MARK1: variants seen among roughly 807,000 people sequenced by gnomAD.
MARK1 encodes the protein serine/threonine-protein kinase MARK1.
A neutral mutation model predicts 96.3 loss-of-function variants in MARK1; 40 were observed. The ratio of observed to expected loss-of-function variants is 0.42; its 90% CI spans 0.32 to 0.54. The LOEUF (loss-of-function observed/expected upper bound fraction) is 0.54. MARK1 is among the 20% of genes least tolerant of loss of function. The pLI is 0.16. For missense variants in MARK1, 719 were observed against 984.6 expected, an observed-to-expected ratio of 0.73 and a Z score of 3.61; for synonymous variants, 317 against 341.2, an observed-to-expected ratio of 0.93 and a Z score of 0.78.
rs187819066 is a variant in MARK1 at position 220,618,971 on chromosome 1, T to G, written c.909+216T>G. Among the ~76,000 whole-genome samples the G allele has an allele frequency of 1.3e-5, 2 of 152,294 alleles. No homozygotes were observed. Among genetic ancestry groups the G allele is most frequent in the East Asian group, 3.9e-4 (2 of 5,184 alleles). ...CTATTATTTCCTCTTTGTTCTGCAG[T>G]GCCGTATTAAATAAAAACAACACAA... On this transcript the variant is annotated intron_variant, in intron 9 of 17. Coordinates refer to ENST00000366917, the MANE Select transcript of MARK1 (RefSeq NM_018650.5). This position sits in a 1 kb window ranked among gnomAD's most constrained non-coding sequence, Gnocchi z 4.6.
At chr1:220,593,941 G>A (rs1297338814) in intron 3 of MARK1, among the ~76,000 whole-genome samples, 3 of 152,080 alleles carry the variant, frequency 2.0e-5, no homozygotes, top group Admixed American at 6.5e-5. Context: ...CTGAGGGCAC[G>A]CCACTCAGAC....
intron 1 of MARK1, among the ~76,000 whole-genome samples, chr1:220,535,347 A>G (rs898632059): frequency 3.3e-5 from 5 of 152,066 alleles, no homozygotes; most frequent in African/African-American, 1.2e-4. Context: ...CCGTCTTTTT[A>G]TGTACCTGCT....
intron 5 of MARK1, among the ~76,000 whole-genome samples, chr1:220,601,783 G>A (rs185159044): frequency 1.4e-4 from 21 of 152,214 alleles, no homozygotes; most frequent in Middle Eastern, 6.8e-3. Context: ...GCTAATGAAG[G>A]GGAGTAATGG....
At chr1:220,616,692 AG>A (rs1010445006) in intron 7 of MARK1, among the ~76,000 whole-genome samples, 1 of 148,008 alleles carries the variant, frequency 6.8e-6, no homozygotes, top group African/African-American at 2.5e-5. Context: ...GTTGTCAAAA[AG>A]TCAAGTCTAA....
At chr1:220,650,372 C>G (rs1668805617) in intron 13 of MARK1, among the ~76,000 whole-genome samples, 1 of 152,174 alleles carries the variant, frequency 6.6e-6, no homozygotes, top group African/African-American at 2.4e-5. Flanking sequence ...CCCAGCTCTC[C>G]TATTGCTTCC....
At chr1:220,562,689 T>C (rs1044041710) in intron 1 of MARK1, among the ~76,000 whole-genome samples, 1 of 151,992 alleles carries the variant, frequency 6.6e-6, no homozygotes, top group African/African-American at 2.4e-5. Context: ...CAAAAAAAAA[T>C]TGACAGATGC....
At chr1:220,558,929 A>G (rs1662479650) in intron 1 of MARK1, among the ~76,000 whole-genome samples, 1 of 152,174 alleles carries the variant, frequency 6.6e-6, no homozygotes, top group Non-Finnish European at 1.5e-5. Context: ...TTATTACCCT[A>G]CATACACATA....
chr1:220,560,097 G>A (rs759989247), intron 1 of MARK1, among the ~76,000 whole-genome samples: 43 of 152,192 alleles, frequency 2.8e-4, no homozygotes, highest in African/African-American at 8.2e-4. Context: ...AGAGCCAAGC[G>A]AAAGGGGAAA....
intron 13 of MARK1, among the ~76,000 whole-genome samples, chr1:220,636,504 T>C (rs1259879025): frequency 6.6e-6 from 1 of 151,902 alleles, no homozygotes; most frequent in East Asian, 1.9e-4. Context: ...AACTAAGATA[T>C]ACGAAATGTA....
In MARK1 at chr1:220,653,167, G is replaced by C; in HGVS notation, c.1803G>C (p.Arg601=). The C allele has an allele frequency of 6.2e-7, 1 of 1,614,168 alleles. No homozygotes were observed. Among genetic ancestry groups the C allele is most frequent in the Non-Finnish European group, 8.5e-7 (1 of 1,180,028 alleles). ...AHSISTATPD[R]TRFPRGSSSR... is the part of the protein sequence containing the mutation. Reference sequence around the variant, plus strand: ...GTATTAGTACTGCGACTCCAGACCGGACCCGTTTTCCCCGAGGGAGCTCAA... The same window carrying C: ...GTATTAGTACTGCGACTCCAGACCGCACCCGTTTTCCCCGAGGGAGCTCAA... The change falls in exon 16 of 18, where the codon CGG becomes CGC. Residue 601 remains arginine (R), a synonymous_variant. Coordinates refer to ENST00000366917, the MANE Select transcript of MARK1 (RefSeq NM_018650.5).
chr1:220,562,925 G>A (rs907739028), intron 1 of MARK1, among the ~76,000 whole-genome samples: 2 of 151,998 alleles, frequency 1.3e-5, no homozygotes, highest in Non-Finnish European at 2.9e-5. Context: ...ATCCATAGTT[G>A]GTTGAATCCA....
intron 13 of MARK1, among the ~76,000 whole-genome samples, chr1:220,642,247 C>A (rs1668313716): frequency 6.6e-6 from 1 of 152,196 alleles, no homozygotes; most frequent in Admixed American, 6.5e-5. Context: ...AAGTTCCCAG[C>A]GTTGGGGGCA....
rs202193154 is a variant in MARK1, at chr1:220,663,832, C to CA, written c.*1675dup. The CA allele has an allele frequency of 0.017, 2,563 of 150,142 alleles. 35 individuals carry two copies. The highest frequency in any genetic ancestry group is 0.045 in the Middle Eastern group (13 of 292). The allele number at this position is 150,142 out of a possible 1,614,324, so 9.3% of individuals were successfully genotyped here. A position where few individuals can be genotyped will look rare whatever the true frequency, so the allele number is the denominator to read the frequency against. On this transcript the variant is annotated 3_prime_UTR_variant, in exon 18 of 18. Transcript: ENST00000366917. The stretch of plus-strand genomic sequence containing the variant: ...GCCCCTTTTTAACCTAGTGTTCATT[C>CA]AAAAAAAAATTGATGCAAATCTTTA...
chr1:220,647,613 A>T (rs1472844007), intron 13 of MARK1, among the ~76,000 whole-genome samples: 2 of 152,220 alleles, frequency 1.3e-5, no homozygotes, highest in Non-Finnish European at 2.9e-5. Flanking sequence ...TTGCAGCACT[A>T]TTAACAATAG....
At chr1:220,652,496 G>A (rs757853933) in intron 15 of MARK1, among the ~76,000 whole-genome samples, 1 of 152,156 alleles carries the variant, frequency 6.6e-6, no homozygotes, top group South Asian at 2.1e-4. Flanking sequence ...GAGACCCGCA[G>A]ATAATGATCA....
At chr1:220,584,528 T>C (rs988523840) in intron 3 of MARK1, among the ~76,000 whole-genome samples, 3 of 152,234 alleles carry the variant, frequency 2.0e-5, no homozygotes, top group Admixed American at 6.5e-5. Context: ...TTACCTGTTA[T>C]ATAAAATGTT....
chr1:220,641,333 A>G (rs1427417611), intron 13 of MARK1, among the ~76,000 whole-genome samples: 1 of 152,094 alleles, frequency 6.6e-6, no homozygotes, highest in Non-Finnish European at 1.5e-5. Flanking sequence ...GGCCCTCACG[A>G]ATGGGATTAG....
intron 6 of MARK1, 92 bp from the exon 7 acceptor site, chr1:220,615,847 C>T (rs963760129): frequency 8.6e-5 from 58 of 671,782 alleles, no homozygotes; most frequent in East Asian, 3.7e-4. Flanking sequence ...CCTTGAAATC[C>T]GAATTAGTAA....
chr1:220,549,705 G>A (rs192332725), intron 1 of MARK1, among the ~76,000 whole-genome samples: 35 of 152,262 alleles, frequency 2.3e-4, no homozygotes, highest in East Asian at 1.4e-3. Context: ...GGGAATGGAC[G>A]TATTTGTGGT....
Sources: gnomAD v4.1 joint callset for allele counts (sites outside exome capture counted in the v4.1 genomes callset) on GRCh38, gnomAD v4.1.1 for gene constraint, Gnocchi (gnomAD v3.1) non-coding constraint, MANE v1.5 for transcripts, NCBI Gene and HGNC (gene_info 2026-07-23, HGNC 2026-07-21) for gene names.